Variants in THOP1 observed in about 807,000 individuals in gnomAD.
The protein encoded by THOP1 is thimet oligopeptidase 1.
A neutral mutation model predicts 71.8 loss-of-function variants in THOP1; 49 were observed. That is an observed-to-expected ratio of 0.68 (90% CI 0.54 to 0.87). THOP1 has a LOEUF of 0.87. Ranked by LOEUF, THOP1 falls within the 40% of genes least tolerant of loss-of-function variation. The pLI is 0.00. For synonymous variants in THOP1, 426 were observed against 421.5 expected, an observed-to-expected ratio of 1.01 and a Z score of -0.13; for missense variants, 843 against 975.6, an observed-to-expected ratio of 0.86 and a Z score of 1.81.
At position 2,785,613 on chromosome 19, in the gene THOP1, G is replaced by C; in HGVS notation, c.-50G>C. The C allele has an allele frequency of 6.7e-7, 1 of 1,499,866 alleles. No homozygotes were observed. The highest frequency in any genetic ancestry group is 8.9e-7 in the Non-Finnish European group (1 of 1,126,130). The allele number at this position is 1,499,866 out of a possible 1,614,324, so 92.9% of individuals were successfully genotyped here. A position where few individuals can be genotyped will look rare whatever the true frequency, so the allele number is the denominator to read the frequency against. On this transcript the variant is annotated 5_prime_UTR_variant, in exon 1 of 13. Transcript: ENST00000307741. ...GCCTCAGTGGCCGAGGTGGCTGGAC[G>C]CGTAGCAGGTGGAAGGAGGGAGGGA...
At chr19:2,807,111 C>A in intron 7 of THOP1, 59 bp downstream of exon 7, 1 of 1,541,872 alleles carries the variant, frequency 6.5e-7, no homozygotes. Flanking sequence ...AGGGTCACCC[C>A]AGGGGACAGT....
chr19:2,800,407 C>A (rs1259446896), intron 5 of THOP1, among the ~76,000 whole-genome samples: 1 of 152,230 alleles, frequency 6.6e-6, no homozygotes, highest in African/African-American at 2.4e-5. Flanking sequence ...TGGTCTCAGA[C>A]TCCTGGGCTC....
At position 2,799,638 on chromosome 19, in the gene THOP1, C is replaced by T. The variant is rs367931827; in HGVS notation, c.487-51C>T. 4.7e-6 allele frequency: 7 copies of T among 1,491,028 alleles called. 1 individual carries two copies. The highest frequency in any genetic ancestry group is 4.1e-5 in the African/African-American group (3 of 72,450). 92.4% of individuals were successfully genotyped at this position (1,491,028 alleles called of 1,614,324 possible). On this transcript the variant is annotated intron_variant, in intron 4 of 12. Transcript: ENST00000307741. ...GGTTCCCAGGCGTTGCGTCTCCCCG[C>T]GGAGCCCGCCCCGGTCTCTCCCTCC... is the stretch of plus-strand genomic sequence containing the variant.
chr19:2,808,000 A>G, intron 8 of THOP1, 192 bp downstream of exon 8: 1 of 795,832 alleles, frequency 1.3e-6, no homozygotes, highest in Non-Finnish European at 1.9e-6. Flanking sequence ...AGTCTCACTC[A>G]GCCACCCCGA....
rs111265132 is a variant in THOP1, at chr19:2,798,663, C to T, written c.487-1026C>T. On this transcript the variant is annotated intron_variant, in intron 4 of 12. Transcript: ENST00000307741. ...GTTCCCAGGAGAGGCCCAGCAAACC[C>T]TCAGCTGGTTCTGAACCAGGGCCTT... is the stretch of plus-strand genomic sequence containing the variant. 7.9e-3 allele frequency among the ~76,000 whole-genome samples: 1,200 copies of T among 152,374 alleles called. 23 individuals are homozygous for T. The highest frequency in any genetic ancestry group is 0.026 in the African/African-American group (1,093 of 41,596).
intron 12 of THOP1, among the ~76,000 whole-genome samples, chr19:2,812,895 G>A (rs1599535257): frequency 6.6e-6 from 1 of 152,174 alleles, no homozygotes; most frequent in African/African-American, 2.4e-5. Context: ...GGGGAGTTCG[G>A]GGCTCTGCTG....
chr19:2,790,308 C>T (rs1915844758), intron 1 of THOP1, 113 bp from the exon 2 acceptor site: 1 of 1,033,624 alleles, frequency 9.7e-7, no homozygotes, highest in Non-Finnish European at 1.4e-6. Flanking sequence ...CCCTGGACCT[C>T]ACTCTTCTGG....
intron 1 of THOP1, among the ~76,000 whole-genome samples, chr19:2,789,060 C>T (rs1034909599): frequency 6.6e-6 from 1 of 152,256 alleles, no homozygotes; most frequent in African/African-American, 2.4e-5. Flanking sequence ...CGTACCTGGC[C>T]AGGCCTGCCT....
Position 2,810,670 on chromosome 19 carries a change from C to T in THOP1, c.1673C>T (p.Ala558Val), listed in dbSNP as rs1375567981. 1 of 1,562,220 alleles carries T rather than the reference C, an allele frequency of 6.4e-7. No homozygotes were observed. The highest frequency in any genetic ancestry group is 1.4e-5 in the African/African-American group (1 of 73,872). ...TTCAACCTGCGCCAGATCGTCCTCG[C>T]CAAGGTGGACCAGGCCCTGCACACG... is the stretch of plus-strand genomic sequence containing the variant. ...GLFNLRQIVL[A>V]KVDQALHTQT... Residue 558 changes from alanine to valine, a missense_variant, in exon 11 of 13, where the codon GCC (alanine) becomes GTC (valine). Ala to Val is a moderately conservative substitution (Grantham distance 64, BLOSUM62 0). Coordinates refer to ENST00000307741, the MANE Select transcript of THOP1 (RefSeq NM_003249.5).
chr19:2,792,661 T>G (rs1915915362), intron 2 of THOP1, among the ~76,000 whole-genome samples: 2 of 151,434 alleles, frequency 1.3e-5, no homozygotes, highest in Admixed American at 1.3e-4. Flanking sequence ...TTTTGTTTGT[T>G]TTTTGTTTTT....
chr19:2,800,912 C>T (rs994049540), intron 5 of THOP1, among the ~76,000 whole-genome samples: 1 of 151,992 alleles, frequency 6.6e-6, no homozygotes, highest in Non-Finnish European at 1.5e-5. Flanking sequence ...CCTGCCTGCT[C>T]GTGTTAGCAA....
In THOP1 at chr19:2,811,993, G is replaced by A. The variant is rs374456543; in HGVS notation, c.1908+259G>A. On this transcript the variant is annotated intron_variant, in intron 12 of 12. Transcript: ENST00000307741. The stretch of plus-strand genomic sequence containing the variant: ...CCGAGGCACCTGCTGGTCTTGGTGC[G>A]GTGCTGCCCACAGCTCCTCCCTGGG... 1,605 of 1,029,070 alleles carry A rather than the reference G, an allele frequency of 1.6e-3. 4 individuals are homozygous for A. The highest frequency in any genetic ancestry group is 2.8e-3 in the South Asian group (158 of 56,696). The allele number at this position is 1,029,070 out of a possible 1,614,324, so 63.7% of individuals were successfully genotyped here. A position where few individuals can be genotyped will look rare whatever the true frequency, so the allele number is the denominator to read the frequency against.
chr19:2,811,671 C>T lies in THOP1; in HGVS notation c.1845C>T (p.Ser615=), dbSNP rs148359022. The T allele has an allele frequency of 2.1e-5, 34 of 1,613,394 alleles. No homozygotes were observed. The highest frequency in any genetic ancestry group is 1.7e-4 in the Middle Eastern group (1 of 6,060). Residue 615 remains serine (S), a synonymous_variant, in exon 12 of 13, where the codon AGC becomes AGT. Coordinates refer to ENST00000307741, the MANE Select transcript of THOP1 (RefSeq NM_003249.5). ...YDAQYYGYLW[S]EVYSMDMFHT... is the part of the protein sequence containing the mutation. ...CCCAGTACTACGGGTACCTGTGGAG[C>T]GAGGTGTATTCCATGGACATGTTCC... is the stretch of plus-strand genomic sequence containing the variant.
intron 12 of THOP1, chr19:2,812,310 C>G: frequency 6.5e-7 from 1 of 1,535,478 alleles, no homozygotes; most frequent in Non-Finnish European, 8.7e-7. Context: ...GAACAGGTGG[C>G]TACCAGCTTT....
intron 6 of THOP1, 132 bp from the exon 7 acceptor site, chr19:2,806,785 A>T: frequency 6.7e-7 from 1 of 1,493,654 alleles, no homozygotes; most frequent in South Asian, 1.2e-5. Flanking sequence ...GTAGTAACAC[A>T]GGCCGAGAGG....
chr19:2,790,399 A>G (rs1915846856), intron 1 of THOP1, 22 bp from the exon 2 acceptor site: 1 of 1,507,324 alleles, frequency 6.6e-7, no homozygotes, highest in African/African-American at 1.4e-5. Flanking sequence ...CCCGCCCGGC[A>G]CTGGGTTTTG....
rs1378078411 is a variant in THOP1, at chr19:2,807,686, G to A, written c.1131G>A (p.Leu377=). 4.4e-6 allele frequency: 7 copies of A among 1,605,312 alleles called. No individual in the cohort carries two copies. Among genetic ancestry groups the A allele is most frequent in the Non-Finnish European group, 6.0e-6 (7 of 1,174,128 alleles). Residue 377 remains leucine, a synonymous_variant, in exon 8 of 13, where the codon CTG becomes CTA. Transcript: ENST00000307741. The part of the protein sequence containing the change: ...HGLLGIYQEL[L]GLAFHHEEGA... The stretch of plus-strand genomic sequence containing the variant: ...TGCTGGGCATCTACCAGGAGCTCCT[G>A]GGGCTGGCCTTCCACCACGAGGAGG...
intron 7 of THOP1, 55 bp downstream of exon 7, chr19:2,807,107 A>G (rs1021529128): frequency 2.3e-5 from 35 of 1,543,946 alleles, no homozygotes; most frequent in Non-Finnish European, 3.0e-5. Context: ...TCTCAGGGTC[A>G]CCCCAGGGGA....
rs1916348443 is a variant in THOP1, at chr19:2,807,879, T to C, written c.1253+71T>C. 2.8e-6 allele frequency: 4 copies of C among 1,406,100 alleles called. No homozygotes were observed. The South Asian group carries it at 6.1e-5, about 22-fold the overall frequency. 87.1% of individuals were successfully genotyped at this position (1,406,100 alleles called of 1,614,324 possible). A position where few individuals can be genotyped will look rare whatever the true frequency, so the allele number is the denominator to read the frequency against. ...CTCCTCGGAGCCCGGTGTGCCCGTC[T>C]GAGATGGGAAGGAAGTCGTTGCCTG... On this transcript the variant is annotated intron_variant, in intron 8 of 12. Coordinates refer to ENST00000307741, the MANE Select transcript of THOP1 (RefSeq NM_003249.5).
Sources: allele counts gnomAD v4.1 joint callset (sites outside exome capture counted in the v4.1 genomes callset), GRCh38; gene constraint gnomAD v4.1.1; transcripts MANE v1.5; gene names NCBI Gene and HGNC (gene_info 2026-07-23, HGNC 2026-07-21).